The following ERI3 variants were observed in gnomAD, a reference collection of about 807,000 sequenced individuals.
ERI3 encodes the protein ERI1 exoribonuclease 3.
Under a neutral mutation model 44.4 loss-of-function variants are expected in ERI3, and 18 were observed. That is an observed-to-expected ratio of 0.41 (90% CI 0.28 to 0.60). The LOEUF (loss-of-function observed/expected upper bound fraction) is 0.60. ERI3 is among the 20% of genes least tolerant of loss of function. The pLI, the probability that ERI3 is intolerant of heterozygous loss-of-function variation, is 0.36. For missense variants in ERI3, 294 were observed against 435.5 expected (o/e 0.68, Z 2.89); for synonymous variants, 183 against 164.8 (o/e 1.11, Z -0.84).
intron 7 of ERI3, among the ~76,000 whole-genome samples, chr1:44,260,383 C>A (rs1282864768): frequency 1.3e-5 from 2 of 152,304 alleles, no homozygotes; most frequent in Admixed American, 6.5e-5. Flanking sequence ...ACACAGACTG[C>A]GGATTGAGCA....
Position 44,241,432 on chromosome 1 carries a change from C to G in ERI3, c.931+6507G>C, listed in dbSNP as rs2154317423. On this transcript the variant is annotated intron_variant, in intron 8 of 8. Transcript: ENST00000372257. This position sits in a 1 kb window ranked among gnomAD's most constrained non-coding sequence, Gnocchi z 5.6. The stretch of plus-strand genomic sequence containing the variant: ...GCACGCCCTCACACACACTCAAACA[C>G]ATGCTCACACATGCACACACATGCA... Among the ~76,000 whole-genome samples the G allele has an allele frequency of 6.6e-6, 1 of 152,252 alleles. No homozygotes were observed. The highest frequency in any genetic ancestry group is 2.1e-4 in the South Asian group (1 of 4,824).
intron 4 of ERI3, among the ~76,000 whole-genome samples, chr1:44,315,713 C>T (rs1646073731): frequency 3.3e-5 from 5 of 152,226 alleles, no homozygotes; most frequent in Admixed American, 2.0e-4. Flanking sequence ...TGCATTTAGC[C>T]CCCAGAGACA....
chr1:44,351,329 G>A (rs763744315), intron 2 of ERI3, among the ~76,000 whole-genome samples: 6 of 152,042 alleles, frequency 3.9e-5, no homozygotes, highest in East Asian at 1.9e-4. Flanking sequence ...CCACCATGCC[G>A]GCCTGCCAAC....
chr1:44,254,595 G>GA (rs984618919), intron 7 of ERI3, among the ~76,000 whole-genome samples: 2 of 152,070 alleles, frequency 1.3e-5, no homozygotes, highest in South Asian at 4.1e-4. Flanking sequence ...AACAATGCCA[G>GA]AAAAAGTCAT....
At chr1:44,237,541 C>A (rs1402050802) in intron 8 of ERI3, among the ~76,000 whole-genome samples, 1 of 152,208 alleles carries the variant, frequency 6.6e-6, no homozygotes, top group Non-Finnish European at 1.5e-5. Context: ...TAGTACCACT[C>A]AACCTTGAAG....
rs1557764548 is a variant in ERI3, at chr1:44,226,815, A to AC, written c.932-5176_932-5175insG. Among the ~76,000 whole-genome samples the AC allele has an allele frequency of 2.5e-3, 375 of 149,488 alleles. 1 individual carries two copies. Among genetic ancestry groups the AC allele is most frequent in the African/African-American group, 8.2e-3 (336 of 41,000 alleles). On this transcript the variant is annotated intron_variant, in intron 8 of 8. Coordinates refer to ENST00000372257, the MANE Select transcript of ERI3 (RefSeq NM_024066.3). ...CACACACACACACACACACACACAC[A>AC]AACTATCCTATGTTTTCTTCTAATA...
intron 2 of ERI3, among the ~76,000 whole-genome samples, chr1:44,350,958 C>T (rs1056906615): frequency 6.6e-6 from 1 of 152,104 alleles, no homozygotes; most frequent in Non-Finnish European, 1.5e-5. Context: ...GTAATTGCCA[C>T]AGCCTCCTGA....
intron 8 of ERI3, among the ~76,000 whole-genome samples, chr1:44,238,065 CAGGCAGCCAGCACGG>C (rs1644346017): frequency 2.0e-5 from 3 of 152,188 alleles, no homozygotes; most frequent in Admixed American, 6.5e-5. Flanking sequence ...CTCTTGGAGC[CAGGCAGCCAGCACGG>C]AGGCAGCCTC....
intron 6 of ERI3, among the ~76,000 whole-genome samples, chr1:44,286,792 C>T (rs956961850): frequency 3.3e-5 from 5 of 152,188 alleles, no homozygotes; most frequent in African/African-American, 1.2e-4. Flanking sequence ...AACAATACTT[C>T]CATCTTTTCC....
At chr1:44,226,778 AACACACACACACAC>A (rs60011057) in intron 8 of ERI3, among the ~76,000 whole-genome samples, 173 of 143,468 alleles carry the variant, frequency 1.2e-3, no homozygotes, top group Middle Eastern at 0.011. Context: ...AGCATTATTA[AACACACACACACAC>A]ACACACACAC....
Position 44,252,620 on chromosome 1 carries a change from C to T in ERI3, c.832-4582G>A, listed in dbSNP as rs1410773199. Reference sequence around the variant, plus strand: ...TGCACTGTCAGTCCCATCACAAACACGGCGCCCGGCGGCTTATGGGGGCTT... The same window carrying T: ...TGCACTGTCAGTCCCATCACAAACATGGCGCCCGGCGGCTTATGGGGGCTT... On this transcript the variant is annotated intron_variant, in intron 7 of 8. Transcript: ENST00000372257. This position sits in a 1 kb window ranked among gnomAD's most constrained non-coding sequence, Gnocchi z 4.7. 1.3e-5 allele frequency among the ~76,000 whole-genome samples: 2 copies of T among 152,242 alleles called. No homozygotes were observed. Among genetic ancestry groups the T allele is most frequent in the Admixed American group, 1.3e-4 (2 of 15,292 alleles).
At chr1:44,262,845 A>G (rs1644921833) in intron 7 of ERI3, among the ~76,000 whole-genome samples, 1 of 152,160 alleles carries the variant, frequency 6.6e-6, no homozygotes, top group Non-Finnish European at 1.5e-5. Flanking sequence ...TCCTCCCAAA[A>G]GCTTCCCTGC....
At chr1:44,294,147 C>A (rs190457588) in intron 6 of ERI3, among the ~76,000 whole-genome samples, 44 of 152,372 alleles carry the variant, frequency 2.9e-4, no homozygotes, top group African/African-American at 1.0e-3. Flanking sequence ...AAGGCCGTCA[C>A]CTGCGTCTGG....
At chr1:44,324,575 G>T (rs1052100416) in intron 3 of ERI3, among the ~76,000 whole-genome samples, 1 of 138,892 alleles carries the variant, frequency 7.2e-6, no homozygotes, top group Non-Finnish European at 1.5e-5. Flanking sequence ...TCTGCCTCCC[G>T]GGTTCACGCC....
chr1:44,276,361 G>A (rs537559089), intron 7 of ERI3, among the ~76,000 whole-genome samples: 1 of 152,306 alleles, frequency 6.6e-6, no homozygotes, highest in African/African-American at 2.4e-5. Flanking sequence ...TATGTGTGTA[G>A]GTATGCATTT....
intron 2 of ERI3, among the ~76,000 whole-genome samples, chr1:44,348,847 A>G (rs1251997387): frequency 6.6e-6 from 1 of 152,258 alleles, no homozygotes; most frequent in Non-Finnish European, 1.5e-5. Flanking sequence ...AGTACCTCGC[A>G]GCAGGACCTC....
intron 6 of ERI3, among the ~76,000 whole-genome samples, chr1:44,292,343 C>T (rs575357930): frequency 5.9e-5 from 9 of 152,298 alleles, no homozygotes; most frequent in Admixed American, 4.6e-4. Flanking sequence ...CACACAAATA[C>T]CAAGGAACAA....
At chr1:44,305,238 C>T (rs1645808931) in intron 6 of ERI3, among the ~76,000 whole-genome samples, 1 of 152,248 alleles carries the variant, frequency 6.6e-6, no homozygotes, top group African/African-American at 2.4e-5. Flanking sequence ...CTTCAAGCTA[C>T]AGGCTAAAAT....
chr1:44,342,833 A>C (rs1365374985), intron 2 of ERI3, among the ~76,000 whole-genome samples: 10 of 27,092 alleles, frequency 3.7e-4, no homozygotes, highest in Non-Finnish European at 6.5e-4. Context: ...ATATATATAT[A>C]TATATATATA....
Sources: gnomAD v4.1 joint callset for allele counts (sites outside exome capture counted in the v4.1 genomes callset) on GRCh38, gnomAD v4.1.1 for gene constraint, Gnocchi (gnomAD v3.1) non-coding constraint, MANE v1.5 for transcripts, NCBI Gene and HGNC (gene_info 2026-07-23, HGNC 2026-07-21) for gene names.